The following PRKN variants were observed in gnomAD, a reference collection of about 807,000 sequenced individuals.
PRKN encodes parkin RBR E3 ubiquitin protein ligase.
PRKN carries 56 observed loss-of-function variants against 59.5 expected under a neutral mutation model. That is an observed-to-expected ratio of 0.94 (90% CI 0.76 to 1.18). The LOEUF (loss-of-function observed/expected upper bound fraction) is 1.18, where lower values mean the gene tolerates loss of function less well. PRKN is among the 50% of genes most tolerant of loss of function. The pLI, the probability that PRKN is intolerant of heterozygous loss-of-function variation, is 0.00. For synonymous variants in PRKN, 250 were observed against 222.1 expected, an observed-to-expected ratio of 1.13 and a Z score of -1.12; for missense variants, 657 against 596.4, an observed-to-expected ratio of 1.10 and a Z score of -1.06.
At chr6:162,164,626 C>G (rs1349727054) in intron 4 of PRKN, among the ~76,000 whole-genome samples, 2 of 149,034 alleles carry the variant, frequency 1.3e-5, no homozygotes, top group Non-Finnish European at 3.0e-5. Flanking sequence ...GAACTGCTAC[C>G]ATTTGGAATC....
rs1786267119 is a variant in PRKN at position 162,378,783 on chromosome 6, T to C, written c.171+64527A>G. 2.6e-5 allele frequency among the ~76,000 whole-genome samples: 4 copies of C among 152,238 alleles called. No individual in the cohort carries two copies. In the South Asian group the frequency reaches 8.3e-4, roughly 31 times the overall value. On this transcript the variant is annotated intron_variant, in intron 2 of 11. Coordinates refer to ENST00000366898, the MANE Select transcript of PRKN (RefSeq NM_004562.3). ...ACAACTACTTAGGAAACTTATGCTCTGCATATTCTAAACCTGAAGGAGCCT... is the reference window on the plus strand; with the variant it reads ...ACAACTACTTAGGAAACTTATGCTCCGCATATTCTAAACCTGAAGGAGCCT...
intron 1 of PRKN, among the ~76,000 whole-genome samples, chr6:162,678,553 T>C (rs2128232037): frequency 6.6e-6 from 1 of 152,320 alleles, no homozygotes; most frequent in East Asian, 1.9e-4. Context: ...CTAATAATGT[T>C]GGGGGTATCT....
chr6:162,256,375 A>C (rs1441068150), intron 3 of PRKN, among the ~76,000 whole-genome samples: 2 of 152,228 alleles, frequency 1.3e-5, no homozygotes, highest in African/African-American at 4.8e-5. Context: ...AATTTCCATT[A>C]GTCCTTATTT....
intron 1 of PRKN, among the ~76,000 whole-genome samples, chr6:162,499,993 G>A (rs1562334161): frequency 6.6e-6 from 1 of 151,854 alleles, no homozygotes; most frequent in African/African-American, 2.4e-5. Context: ...TCTAGTTAAG[G>A]ATGCCATCTA....
In PRKN at chr6:161,402,117, G is replaced by T. The variant is rs1168537875; in HGVS notation, c.1084-15240C>A. Among the ~76,000 whole-genome samples, 4 of 152,068 alleles carry T rather than the reference G, an allele frequency of 2.6e-5. No homozygotes were observed. Among genetic ancestry groups the T allele is most frequent in the Non-Finnish European group, 5.9e-5 (4 of 68,028 alleles). On this transcript the variant is annotated intron_variant, in intron 9 of 11. Coordinates refer to ENST00000366898, the MANE Select transcript of PRKN (RefSeq NM_004562.3). The surrounding 1 kb of genome is among the most constrained non-coding windows in gnomAD (Gnocchi z 4.5). Reference sequence around the variant, plus strand: ...CATCACCGCCCTGACAGTCTCAGTGGCAGGCCAGGCTCTAAAGGCTCCTCT... The same window carrying T: ...CATCACCGCCCTGACAGTCTCAGTGTCAGGCCAGGCTCTAAAGGCTCCTCT...
At chr6:162,027,769 A>G (rs1225345309) in intron 5 of PRKN, among the ~76,000 whole-genome samples, 1 of 151,992 alleles carries the variant, frequency 6.6e-6, no homozygotes, top group Admixed American at 6.6e-5. Flanking sequence ...CTATATTCAC[A>G]GATCTTAGCA....
chr6:162,507,868 A>C (rs1793677913), intron 1 of PRKN, among the ~76,000 whole-genome samples: 4 of 152,214 alleles, frequency 2.6e-5, no homozygotes, highest in Admixed American at 2.6e-4. Flanking sequence ...TGGATTACCG[A>C]ATAAATGTTA....
chr6:162,575,947 T>C (rs573953239), intron 1 of PRKN, among the ~76,000 whole-genome samples: 1 of 152,166 alleles, frequency 6.6e-6, no homozygotes, highest in Admixed American at 6.5e-5. Context: ...AGTTTTGCAT[T>C]CTGTAGCCAT....
intron 5 of PRKN, among the ~76,000 whole-genome samples, chr6:162,037,100 C>G (rs1783878131): frequency 6.6e-6 from 1 of 152,282 alleles, no homozygotes; most frequent in African/African-American, 2.4e-5. Flanking sequence ...CCTTTTGGAA[C>G]TAAGGACTCT....
At chr6:161,957,776 C>T (rs187039094) in intron 6 of PRKN, among the ~76,000 whole-genome samples, 2 of 152,192 alleles carry the variant, frequency 1.3e-5, no homozygotes, top group East Asian at 1.9e-4. Context: ...ATGTTTCTGA[C>T]AGTATCGCTA....
chr6:162,264,560 C>T lies in PRKN; in HGVS notation c.172-1795G>A, dbSNP rs79460094. On this transcript the variant is annotated intron_variant, in intron 2 of 11. Transcript: ENST00000366898. ...CCCAGGAGGGCACCAGGACACCCTT[C>T]GTCCTTAAATCCCATTCCAACCTCT... Among the ~76,000 whole-genome samples, 1,085 of 152,108 alleles carry T rather than the reference C, an allele frequency of 7.1e-3. 11 individuals are homozygous for T. Among genetic ancestry groups the T allele is most frequent in the African/African-American group, 0.025 (1,017 of 41,496 alleles).
At chr6:161,948,741 G>A (rs1259912477) in intron 6 of PRKN, among the ~76,000 whole-genome samples, 1 of 152,180 alleles carries the variant, frequency 6.6e-6, no homozygotes, top group Non-Finnish European at 1.5e-5. Flanking sequence ...ATGGGAATAA[G>A]GCCCATGTGT....
Position 161,549,117 on chromosome 6 carries a change from C to CCTGTGT in PRKN, c.934-115_934-114insACACAG. 9.1e-7 allele frequency: 1 copy of CCTGTGT among 1,092,988 alleles called. No homozygotes were observed. Among genetic ancestry groups the CCTGTGT allele is most frequent in the African/African-American group, 1.8e-5 (1 of 56,028 alleles). 67.7% of individuals were successfully genotyped at this position (1,092,988 alleles called of 1,614,324 possible). A position where few individuals can be genotyped will look rare whatever the true frequency, so the allele number is the denominator to read the frequency against. The stretch of plus-strand genomic sequence containing the variant: ...CTTAACCAGTTTCAGTAAAATAATG[C>CCTGTGT]ATGTGTGTGTGTGTGTGTGTGTGTA... On this transcript the variant is annotated intron_variant, in intron 8 of 11. Transcript: ENST00000366898. This position sits in a 1 kb window ranked among gnomAD's most constrained non-coding sequence, Gnocchi z 6.0.
chr6:161,731,717 G>T lies in PRKN; in HGVS notation c.871+54055C>A, dbSNP rs532816012. ...AAATTAAACTCTATAAAGATAAACAGAGACTGAAGAAGACAGAGAAATGCA... is the reference window on the plus strand; with the variant it reads ...AAATTAAACTCTATAAAGATAAACATAGACTGAAGAAGACAGAGAAATGCA... On this transcript the variant is annotated intron_variant, in intron 7 of 11. Coordinates refer to ENST00000366898, the MANE Select transcript of PRKN (RefSeq NM_004562.3). Among the ~76,000 whole-genome samples the T allele has an allele frequency of 2.9e-3, 436 of 152,296 alleles. 2 individuals carry two copies. Among genetic ancestry groups the T allele is most frequent in the African/African-American group, 0.01 (420 of 41,576 alleles).
intron 2 of PRKN, among the ~76,000 whole-genome samples, chr6:162,347,671 T>C (rs892437645): frequency 1.3e-5 from 2 of 152,164 alleles, no homozygotes; most frequent in Non-Finnish European, 2.9e-5. Context: ...TTTTATTGCT[T>C]AAATTTTATC....
At chr6:162,235,167 A>C (rs1046945163) in intron 3 of PRKN, among the ~76,000 whole-genome samples, 2 of 152,186 alleles carry the variant, frequency 1.3e-5, no homozygotes, top group Non-Finnish European at 1.5e-5. Flanking sequence ...AAATATGAAG[A>C]ACCAAAACTT....
intron 1 of PRKN, among the ~76,000 whole-genome samples, chr6:162,611,918 G>T (rs182684790): frequency 2.0e-5 from 3 of 152,058 alleles, no homozygotes; most frequent in African/African-American, 4.8e-5. Context: ...GGGCGTGGTG[G>T]CTCACGCCTG....
chr6:162,403,654 T>C (rs376526967), intron 2 of PRKN, among the ~76,000 whole-genome samples: 2 of 152,150 alleles, frequency 1.3e-5, no homozygotes, highest in East Asian at 3.9e-4. Context: ...CCTGGAATCA[T>C]CACCGTATTC....
chr6:162,348,436 C>T (rs1464525004), intron 2 of PRKN, among the ~76,000 whole-genome samples: 1 of 151,974 alleles, frequency 6.6e-6, no homozygotes, highest in Non-Finnish European at 1.5e-5. Context: ...ATATTGTGGT[C>T]AACAGAAACT....
Sources: allele counts gnomAD v4.1 joint callset (sites outside exome capture counted in the v4.1 genomes callset), GRCh38; gene constraint gnomAD v4.1.1; non-coding constraint Gnocchi (gnomAD v3.1); transcripts MANE v1.5; gene names NCBI Gene and HGNC (gene_info 2026-07-23, HGNC 2026-07-21).